Variants in MYO5B observed in about 807,000 individuals in gnomAD.
MYO5B encodes myosin VB.
Under a neutral mutation model 229.3 loss-of-function variants are expected in MYO5B, and 143 were observed. The ratio of observed to expected loss-of-function variants is 0.62; its 90% CI spans 0.54 to 0.72. MYO5B has a LOEUF of 0.72. Among genes scored for constraint, MYO5B ranks in the 30% least tolerant of loss-of-function variants. MYO5B has a pLI of 0.00. For synonymous variants in MYO5B, 918 were observed against 885.2 expected, an observed-to-expected ratio of 1.04 and a Z score of -0.66; for missense variants, 2,321 against 2,331.0, an observed-to-expected ratio of 1.00 and a Z score of 0.09.
rs758118473 is a variant in MYO5B, at chr18:49,835,430, G to C, written c.5314-6C>G. 6.2e-7 allele frequency: 1 copy of C among 1,605,182 alleles called. No individual in the cohort carries two copies. Among genetic ancestry groups the C allele is most frequent in the African/African-American group, 1.3e-5 (1 of 74,730 alleles). On this transcript the variant is annotated splice_polypyrimidine_tract_variant and splice_region_variant and intron_variant, in intron 38 of 39. Coordinates refer to ENST00000285039, the MANE Select transcript of MYO5B (RefSeq NM_001080467.3). The stretch of plus-strand genomic sequence containing the variant: ...AGGTTTAAAATTTTGACAATCTGTT[G>C]GGGATAAAAACGGAATTTAGCACAG...
intron 14 of MYO5B, among the ~76,000 whole-genome samples, chr18:49,941,051 G>A (rs1028853602): frequency 2.0e-5 from 3 of 152,174 alleles, no homozygotes; most frequent in Admixed American, 2.0e-4. Context: ...CAGCACAGGA[G>A]CTAGTCTAAT....
chr18:49,914,523 T>TAA (rs199767650), intron 17 of MYO5B, among the ~76,000 whole-genome samples: 1,947 of 152,240 alleles, frequency 0.013, 43 homozygotes, highest in African/African-American at 0.045. Flanking sequence ...CTCACACCTG[T>TAA]AATCCCAGCA....
At chr18:50,096,121 C>T (rs1035276387) in intron 1 of MYO5B, among the ~76,000 whole-genome samples, 2 of 152,162 alleles carry the variant, frequency 1.3e-5, no homozygotes, top group East Asian at 1.9e-4. Context: ...AACCAGGACA[C>T]TTCCCATATA....
intron 14 of MYO5B, among the ~76,000 whole-genome samples, 183 bp downstream of exon 14, chr18:49,953,077 T>C (rs1324460831): frequency 6.6e-6 from 1 of 152,150 alleles, no homozygotes; most frequent in African/African-American, 2.4e-5. Flanking sequence ...CAGACAAGAT[T>C]GGACACATTC....
At chr18:50,049,249 A>G (rs928287112) in intron 2 of MYO5B, among the ~76,000 whole-genome samples, 1 of 152,240 alleles carries the variant, frequency 6.6e-6, no homozygotes, top group Non-Finnish European at 1.5e-5. Context: ...TTACTGCTGT[A>G]TAATCAGACT....
chr18:50,011,211 G>A (rs528864818), intron 4 of MYO5B, among the ~76,000 whole-genome samples: 24 of 152,048 alleles, frequency 1.6e-4, no homozygotes, highest in Non-Finnish European at 3.1e-4. Context: ...GCGTGGTGGC[G>A]GGTGCCTGTA....
intron 23 of MYO5B, chr18:49,879,365 A>G: frequency 2.1e-6 from 1 of 473,118 alleles, no homozygotes; most frequent in Non-Finnish European, 3.9e-6. Flanking sequence ...TTGATGCCCC[A>G]GCCTCTCTTC....
At chr18:49,868,710 T>G (rs1328290009) in intron 27 of MYO5B, among the ~76,000 whole-genome samples, 1 of 152,134 alleles carries the variant, frequency 6.6e-6, no homozygotes, top group Admixed American at 6.5e-5. Context: ...CTCCTCTGCT[T>G]TTGCACACTG....
chr18:49,914,775 CAAA>C (rs5824810), intron 17 of MYO5B, among the ~76,000 whole-genome samples: 34 of 106,138 alleles, frequency 3.2e-4, no homozygotes, highest in Non-Finnish European at 3.3e-4. Context: ...GACCTTGTCT[CAAA>C]AAAAAAAAAA....
intron 27 of MYO5B, among the ~76,000 whole-genome samples, chr18:49,866,588 A>T (rs558709793): frequency 6.6e-6 from 1 of 152,310 alleles, no homozygotes; most frequent in East Asian, 1.9e-4. Flanking sequence ...TATAAATGGA[A>T]ACAGACGAAT....
Position 49,843,365 on chromosome 18 carries a change from G to A in MYO5B, c.4487C>T (p.Thr1496Ile). The change falls in exon 34 of 40, where the codon ACA becomes ATA. Residue 1496 changes from threonine (T) to isoleucine (I), a missense_variant. Around this residue, in one of 2 missense-constraint regions of MYO5B, gnomAD observed 2,113 missense variants for 2,044.7 expected, o/e 1.03. Coordinates refer to ENST00000285039, the MANE Select transcript of MYO5B (RefSeq NM_001080467.3). Reference sequence around the variant, plus strand: ...GATGTAGGCGGGGAGACAGGGCACTGTGCCCGACAGCATCTGGGGCTTCAA... The same window carrying A: ...GATGTAGGCGGGGAGACAGGGCACTATGCCCGACAGCATCTGGGGCTTCAA... ...TDLKPQMLSG[T>I]VPCLPAYILY... 3.1e-6 allele frequency: 5 copies of A among 1,614,200 alleles called. No individual in the cohort carries two copies. The highest frequency in any genetic ancestry group is 4.2e-6 in the Non-Finnish European group (5 of 1,180,036).
At chr18:50,166,614 C>T (rs572324611) in intron 1 of MYO5B, among the ~76,000 whole-genome samples, 48 of 152,192 alleles carry the variant, frequency 3.2e-4, no homozygotes, top group Non-Finnish European at 5.6e-4. Flanking sequence ...AAAATTTAAG[C>T]TGCATAGTAC....
intron 8 of MYO5B, among the ~76,000 whole-genome samples, chr18:49,981,561 T>G (rs763317120): frequency 2.6e-5 from 4 of 152,216 alleles, no homozygotes; most frequent in Non-Finnish European, 5.9e-5. Flanking sequence ...GATTTTATTA[T>G]GTAAAATTTC....
At chr18:50,070,018 CTTT>C (rs765610800) in intron 1 of MYO5B, among the ~76,000 whole-genome samples, 17 of 110,038 alleles carry the variant, frequency 1.5e-4, no homozygotes, top group Non-Finnish European at 1.3e-4. Context: ...GCAATTTAGT[CTTT>C]TTTTTTTTTT....
At chr18:49,879,995 G>T (rs76923815) in intron 23 of MYO5B, among the ~76,000 whole-genome samples, 27 of 152,172 alleles carry the variant, frequency 1.8e-4, no homozygotes, top group African/African-American at 6.5e-4. Flanking sequence ...AGCACTTCAC[G>T]TGCAGCCTCT....
At chr18:50,036,652 G>C (rs1488489484) in intron 4 of MYO5B, among the ~76,000 whole-genome samples, 198 bp downstream of exon 4, 1 of 152,222 alleles carries the variant, frequency 6.6e-6, no homozygotes, top group Non-Finnish European at 1.5e-5. Flanking sequence ...TCCAAGTCTA[G>C]GTTCAAGTTC....
At chr18:49,973,838 G>C (rs189695803) in intron 10 of MYO5B, among the ~76,000 whole-genome samples, 1 of 152,274 alleles carries the variant, frequency 6.6e-6, no homozygotes, top group East Asian at 1.9e-4. Flanking sequence ...AATTCTGAAA[G>C]GAAGAGAAAC....
chr18:49,952,911 C>G (rs1040098617), intron 14 of MYO5B, among the ~76,000 whole-genome samples: 6 of 151,848 alleles, frequency 4.0e-5, no homozygotes, highest in Non-Finnish European at 7.4e-5. Context: ...ATGATGGACA[C>G]CAGCCACATT....
At chr18:49,902,242 C>T (rs2024849739) in intron 21 of MYO5B, among the ~76,000 whole-genome samples, 1 of 151,952 alleles carries the variant, frequency 6.6e-6, no homozygotes, top group South Asian at 2.1e-4. Flanking sequence ...CTGATTCTGT[C>T]ATCACTTCTT....
Sources: allele counts gnomAD v4.1 joint callset (sites outside exome capture counted in the v4.1 genomes callset), GRCh38; gene constraint gnomAD v4.1.1; regional missense constraint gnomAD v4.1.1; transcripts MANE v1.5; gene names NCBI Gene and HGNC (gene_info 2026-07-23, HGNC 2026-07-21).